Variants in C12orf50 observed in about 807,000 individuals in gnomAD.
C12orf50 encodes uncharacterized protein C12orf50.
Under a neutral mutation model 61.6 loss-of-function variants are expected in C12orf50, and 35 were observed. That is an observed-to-expected ratio of 0.57 (90% CI 0.43 to 0.75). The LOEUF is 0.75. Among genes scored for constraint, C12orf50 ranks in the 30% least tolerant of loss-of-function variants. The probability of loss-of-function intolerance (pLI) is 0.00; values close to 1 mark genes in which losing one functional copy is unlikely to be tolerated. For synonymous variants in C12orf50, 178 were observed against 161.5 expected (o/e 1.10, Z -0.77); for missense variants, 475 against 488.5 (o/e 0.97, Z 0.26).
At chr12:88,020,883 A>G (rs2032492445) in intron 3 of C12orf50, among the ~76,000 whole-genome samples, 1 of 152,122 alleles carries the variant, frequency 6.6e-6, no homozygotes, top group South Asian at 2.1e-4. Flanking sequence ...TACTAAGAAA[A>G]TCACTCACTA....
At chr12:87,993,492 TACAGCTAGACTAAA>T (rs1418105413) in intron 7 of C12orf50, among the ~76,000 whole-genome samples, 4 of 151,998 alleles carry the variant, frequency 2.6e-5, no homozygotes, top group Admixed American at 6.6e-5. Flanking sequence ...CTAAAACAAT[TACAGCTAGACTAAA>T]ACAGCTAGAC....
At chr12:88,024,155 AGGG>A (rs1300312646) in intron 3 of C12orf50, among the ~76,000 whole-genome samples, 1 of 152,182 alleles carries the variant, frequency 6.6e-6, no homozygotes, top group African/African-American at 2.4e-5. Context: ...TACAGAGAAA[AGGG>A]AACACTTATA....
At chr12:88,009,495 G>C (rs1053359433) in intron 3 of C12orf50, among the ~76,000 whole-genome samples, 1 of 151,954 alleles carries the variant, frequency 6.6e-6, no homozygotes, top group African/African-American at 2.4e-5. Flanking sequence ...TTCTCAAGCA[G>C]AGACAATTTT....
chr12:88,001,681 T>C (rs2031660783), intron 3 of C12orf50, among the ~76,000 whole-genome samples: 1 of 151,684 alleles, frequency 6.6e-6, no homozygotes, highest in African/African-American at 2.4e-5. Context: ...CCTATAGATG[T>C]ATTCAATTTT....
At chr12:88,003,180 T>C (rs1292405060) in intron 3 of C12orf50, among the ~76,000 whole-genome samples, 1 of 151,970 alleles carries the variant, frequency 6.6e-6, no homozygotes, top group Admixed American at 6.6e-5. Context: ...TTTGTTCCTA[T>C]GGATTTGTGT....
intron 3 of C12orf50, among the ~76,000 whole-genome samples, chr12:88,012,496 T>G (rs1950860073): frequency 6.6e-6 from 1 of 152,230 alleles, no homozygotes. Context: ...GAAATGCTAA[T>G]TTTTGTAAAA....
intron 6 of C12orf50, among the ~76,000 whole-genome samples, chr12:87,995,444 G>C (rs979858273): frequency 3.9e-5 from 6 of 151,980 alleles, no homozygotes; most frequent in Admixed American, 3.9e-4. Flanking sequence ...TTATTCTCTC[G>C]AACAATTCAG....
chr12:88,013,271 T>G (rs962451342), intron 3 of C12orf50, among the ~76,000 whole-genome samples: 1 of 152,196 alleles, frequency 6.6e-6, no homozygotes, highest in African/African-American at 2.4e-5. Context: ...CAAGAACCTA[T>G]GAGCTTATTA....
intron 3 of C12orf50, among the ~76,000 whole-genome samples, chr12:88,005,824 T>C (rs1406491818): frequency 1.3e-5 from 2 of 151,258 alleles, no homozygotes; most frequent in Non-Finnish European, 2.9e-5. Context: ...CCTTCTGGGA[T>C]AACTAGAAAT....
At chr12:87,994,182 A>C (rs2031270256) in intron 7 of C12orf50, among the ~76,000 whole-genome samples, 1 of 152,074 alleles carries the variant, frequency 6.6e-6, no homozygotes, top group Admixed American at 6.6e-5. Flanking sequence ...CCTAGGTGAC[A>C]AAGTGAGACT....
In C12orf50 at chr12:88,002,141, T is replaced by G. The variant is rs79753671; in HGVS notation, c.134-3951A>C. On this transcript the variant is annotated intron_variant, in intron 3 of 12. Coordinates refer to ENST00000298699, the MANE Select transcript of C12orf50 (RefSeq NM_152589.3). ...ATATATAGGCATTTACAACTTATAT[T>G]CTTCTAAGCACTGCTTTACTTCATG... 6.5e-3 allele frequency among the ~76,000 whole-genome samples: 990 copies of G among 151,936 alleles called. 13 individuals carry two copies. Among genetic ancestry groups the G allele is most frequent in the African/African-American group, 0.023 (951 of 41,552 alleles).
intron 11 of C12orf50, 135 bp downstream of exon 11, chr12:87,985,715 C>G: frequency 1.2e-6 from 1 of 805,540 alleles, no homozygotes; most frequent in South Asian, 1.7e-5. Flanking sequence ...AATCCTCTCA[C>G]TAGTTTCTAT....
chr12:87,996,934 A>G (rs1321016843), intron 4 of C12orf50, among the ~76,000 whole-genome samples: 1 of 152,184 alleles, frequency 6.6e-6, no homozygotes, highest in Non-Finnish European at 1.5e-5. Flanking sequence ...AGGTTGATGT[A>G]GGCATGAGAG....
chr12:88,007,547 G>A (rs1033417520), intron 3 of C12orf50, among the ~76,000 whole-genome samples: 1 of 152,184 alleles, frequency 6.6e-6, no homozygotes, highest in South Asian at 2.1e-4. Context: ...GTGCCCTCTG[G>A]AGGGGATAAA....
At chr12:88,017,285 A>G (rs1231290731) in intron 3 of C12orf50, among the ~76,000 whole-genome samples, 1 of 151,850 alleles carries the variant, frequency 6.6e-6, no homozygotes, top group East Asian at 1.9e-4. Flanking sequence ...GAGACCTGAC[A>G]GTTTTAAAAA....
intron 3 of C12orf50, among the ~76,000 whole-genome samples, chr12:88,016,037 T>C (rs1027358790): frequency 6.6e-6 from 1 of 152,164 alleles, no homozygotes; most frequent in Non-Finnish European, 1.5e-5. Flanking sequence ...TGCCTCATAC[T>C]GGAAGAACAC....
chr12:87,990,110 C>A (rs79240680), intron 7 of C12orf50, among the ~76,000 whole-genome samples: 1 of 152,060 alleles, frequency 6.6e-6, no homozygotes, highest in East Asian at 1.9e-4. Flanking sequence ...CCCTCAAAAA[C>A]GCCATCATAC....
intron 3 of C12orf50, among the ~76,000 whole-genome samples, chr12:87,999,118 C>A (rs1335903778): frequency 6.6e-6 from 1 of 152,152 alleles, no homozygotes; most frequent in East Asian, 1.9e-4. Context: ...CATGATAACA[C>A]CTGCCAACAA....
chr12:87,997,771 A>T (rs1197600819), intron 4 of C12orf50, among the ~76,000 whole-genome samples: 1 of 152,208 alleles, frequency 6.6e-6, no homozygotes, highest in African/African-American at 2.4e-5. Flanking sequence ...ATAGTATTCC[A>T]TGGTGTATAT....
Sources: gnomAD v4.1 joint callset for allele counts (sites outside exome capture counted in the v4.1 genomes callset) on GRCh38, gnomAD v4.1.1 for gene constraint, MANE v1.5 for transcripts, NCBI Gene and HGNC (gene_info 2026-07-23, HGNC 2026-07-21) for gene names.